Variants in YY1 observed in about 807,000 individuals in gnomAD.
YY1 encodes the protein YY1 transcription factor.
Under a neutral mutation model 35.6 loss-of-function variants are expected in YY1, and 2 were observed. The ratio of observed to expected loss-of-function variants is 0.06; its 90% confidence interval spans 0.02 to 0.18. The LOEUF (loss-of-function observed/expected upper bound fraction) is 0.18. Among genes scored for constraint, YY1 ranks in the 10% least tolerant of loss-of-function variants. YY1 has a pLI of 1.00. For synonymous variants in YY1, 268 were observed against 238.9 expected (o/e 1.12, Z -1.12); for missense variants, 322 against 573.4 (o/e 0.56, Z 4.48).
At chr14:100,245,896 C>T (rs1028458156) in intron 1 of YY1, among the ~76,000 whole-genome samples, 3 of 152,230 alleles carry the variant, frequency 2.0e-5, no homozygotes, top group East Asian at 1.9e-4. Context: ...CGTGAGCCAC[C>T]GCGCCCAGCC....
rs199591448 is a variant in YY1, at chr14:100,239,253, G to C, written c.9G>C (p.Ser3=). The C allele has an allele frequency of 1.3e-6, 2 of 1,562,154 alleles. No individual in the cohort carries two copies. MA[S]GDTLYIATDG... ...CGGCGGAGCCCTCAGCCATGGCCTC[G>C]GGCGACACCCTCTACATCGCCACGG... is the stretch of plus-strand genomic sequence containing the variant. The change falls in exon 1 of 5, where the codon TCG becomes TCC. Residue 3 remains serine, a synonymous_variant. Coordinates refer to ENST00000262238, the MANE Select transcript of YY1 (RefSeq NM_003403.5).
chr14:100,260,369 A>G (rs545687398), intron 1 of YY1, among the ~76,000 whole-genome samples: 3 of 151,502 alleles, frequency 2.0e-5, no homozygotes, highest in South Asian at 2.1e-4. Flanking sequence ...AAGGGGATCA[A>G]TAGGATTTGG....
chr14:100,272,944 G>GT (rs1398123441), intron 2 of YY1, among the ~76,000 whole-genome samples: 3 of 90,464 alleles, frequency 3.3e-5, no homozygotes, highest in African/African-American at 1.6e-4. Context: ...CCCCCAGCTA[G>GT]TTTTTTGTTG....
chr14:100,251,620 GGA>G (rs1890925549), intron 1 of YY1, among the ~76,000 whole-genome samples: 2 of 152,152 alleles, frequency 1.3e-5, no homozygotes, highest in Non-Finnish European at 2.9e-5. Context: ...CTTAAACCTA[GGA>G]GAGGGGGGAA....
chr14:100,270,136 G>A (rs1595331524), intron 2 of YY1, among the ~76,000 whole-genome samples: 1 of 151,230 alleles, frequency 6.6e-6, no homozygotes, highest in South Asian at 2.1e-4. Context: ...GGTGGCAGGC[G>A]CCTGTAGTCC....
chr14:100,273,781 C>T (rs528871597), intron 2 of YY1, among the ~76,000 whole-genome samples: 1 of 152,132 alleles, frequency 6.6e-6, no homozygotes, highest in East Asian at 1.9e-4. Context: ...TTTTTAGGAA[C>T]GCTTAATTTC....
At chr14:100,248,260 C>G (rs929873901) in intron 1 of YY1, among the ~76,000 whole-genome samples, 5 of 151,260 alleles carry the variant, frequency 3.3e-5, no homozygotes, top group Non-Finnish European at 7.4e-5. Context: ...GGACTACAGG[C>G]GCCCACCACC....
At chr14:100,246,480 G>A (rs1378208884) in intron 1 of YY1, among the ~76,000 whole-genome samples, 1 of 152,184 alleles carries the variant, frequency 6.6e-6, no homozygotes, top group Non-Finnish European at 1.5e-5. Context: ...ATGTGGGGTG[G>A]TGAGACCCCA....
intron 1 of YY1, among the ~76,000 whole-genome samples, chr14:100,244,598 T>G (rs2139568043): frequency 6.6e-6 from 1 of 151,694 alleles, no homozygotes; most frequent in African/African-American, 2.4e-5. Context: ...ACTTTTTTTT[T>G]TTGAGGCAGG....
rs1367398695 is a variant in YY1 at position 100,277,369 on chromosome 14, G to A, written c.1063-49G>A. On this transcript the variant is annotated intron_variant, in intron 4 of 4. Transcript: ENST00000262238. This position sits in a 1 kb window ranked among gnomAD's most constrained non-coding sequence, Gnocchi z 5.6. ...AAGCAGTGAGCTCCTGACTCCCAGG[G>A]TCTGGTCAGAGTTGCTGAGTGGGTT... 1.1e-5 allele frequency: 17 copies of A among 1,610,304 alleles called. No homozygotes were observed. Among genetic ancestry groups the A allele is most frequent in the Non-Finnish European group, 1.4e-5 (17 of 1,176,742 alleles).
intron 1 of YY1, among the ~76,000 whole-genome samples, chr14:100,251,602 T>A (rs969847242): frequency 6.6e-6 from 1 of 152,230 alleles, no homozygotes; most frequent in Admixed American, 6.5e-5. Context: ...CAAGACCTAC[T>A]GTTCCCCCTT....
At chr14:100,240,554 C>G (rs777673110) in intron 1 of YY1, among the ~76,000 whole-genome samples, 3 of 152,158 alleles carry the variant, frequency 2.0e-5, no homozygotes, top group Non-Finnish European at 4.4e-5. Flanking sequence ...TCCTTGCTCC[C>G]CGCCCACCCA....
At chr14:100,271,041 C>T (rs1382236945) in intron 2 of YY1, among the ~76,000 whole-genome samples, 1 of 151,802 alleles carries the variant, frequency 6.6e-6, no homozygotes, top group African/African-American at 2.4e-5. Flanking sequence ...GTCAGGAGAT[C>T]GAGACCATCC....
chr14:100,241,215 G>C (rs979707911), intron 1 of YY1, among the ~76,000 whole-genome samples: 3 of 152,214 alleles, frequency 2.0e-5, no homozygotes, highest in African/African-American at 7.2e-5. Context: ...TGCCTGTGAT[G>C]ATTACGTTTA....
chr14:100,260,857 G>A (rs1003888704), intron 1 of YY1, among the ~76,000 whole-genome samples: 10 of 130,334 alleles, frequency 7.7e-5, no homozygotes, highest in African/African-American at 2.3e-4. Context: ...ACGCAGTGAC[G>A]TGGTCACGGC....
At position 100,241,479 on chromosome 14, in the gene YY1, G is replaced by A. The variant is rs550076455; in HGVS notation, c.679+1556G>A. 5.9e-5 allele frequency among the ~76,000 whole-genome samples: 9 copies of A among 152,326 alleles called. No individual in the cohort carries two copies. The South Asian group carries it at 1.9e-3, about 32-fold the overall frequency. On this transcript the variant is annotated intron_variant, in intron 1 of 4. Transcript: ENST00000262238. ...AAGAGGCCTGAGCAAAGGGATCTAG[G>A]AGCTGTCAAAATCTAATAGGAAGGT...
intron 2 of YY1, among the ~76,000 whole-genome samples, chr14:100,273,299 T>A (rs961481970): frequency 1.3e-5 from 2 of 152,016 alleles, no homozygotes; most frequent in African/African-American, 2.4e-5. Flanking sequence ...TTTATTTTTT[T>A]AAATCCAATA....
chr14:100,267,394 T>C (rs1191192146), intron 2 of YY1, among the ~76,000 whole-genome samples: 1 of 152,226 alleles, frequency 6.6e-6, no homozygotes, highest in African/African-American at 2.4e-5. Context: ...TATTAGCCTG[T>C]TAAAAGATTT....
In YY1 at chr14:100,277,244, GGTTGTCC is replaced by G; in HGVS notation, c.1063-173_1063-167del. On this transcript the variant is annotated intron_variant, in intron 4 of 4. Transcript: ENST00000262238. This position sits in a 1 kb window ranked among gnomAD's most constrained non-coding sequence, Gnocchi z 5.6. ...GTGAGGGCTCTCCTTGGGTTTTCGG[GGTTGTCC>G]AACCTGCCTGCTGATTCTAGACTAT... 1 of 797,440 alleles carries G rather than the reference GGTTGTCC, an allele frequency of 1.3e-6. No individual in the cohort carries two copies. Among genetic ancestry groups the G allele is most frequent in the Non-Finnish European group, 2.1e-6 (1 of 483,528 alleles). 49.4% of individuals were successfully genotyped at this position (797,440 alleles called of 1,614,324 possible). A position where few individuals can be genotyped will look rare whatever the true frequency, so the allele number is the denominator to read the frequency against.
Sources: allele counts gnomAD v4.1 joint callset (sites outside exome capture counted in the v4.1 genomes callset), GRCh38; gene constraint gnomAD v4.1.1; non-coding constraint Gnocchi (gnomAD v3.1); transcripts MANE v1.5; gene names NCBI Gene and HGNC (gene_info 2026-07-23, HGNC 2026-07-21).